The following GRAMD1B variants were observed in gnomAD, a reference collection of about 807,000 sequenced individuals.
GRAMD1B encodes the protein GRAM domain containing 1B.
GRAMD1B carries 37 observed loss-of-function variants against 99.7 expected under a neutral mutation model. The ratio of observed to expected loss-of-function variants is 0.37; its 90% CI spans 0.29 to 0.49. The LOEUF is 0.49. Ranked by LOEUF, GRAMD1B falls within the 20% of genes least tolerant of loss-of-function variation. GRAMD1B has a pLI of 0.98. For synonymous variants in GRAMD1B, 427 were observed against 387.6 expected (o/e 1.10, Z -1.19); for missense variants, 888 against 1,009.2 (o/e 0.88, Z 1.63).
chr11:123,546,031 T>C (rs1483515297), intron 2 of GRAMD1B, among the ~76,000 whole-genome samples: 1 of 152,252 alleles, frequency 6.6e-6, no homozygotes, highest in Non-Finnish European at 1.5e-5. Context: ...CATCGGCAAG[T>C]CTGTCCCAGG....
intron 1 of GRAMD1B, among the ~76,000 whole-genome samples, chr11:123,371,189 G>C (rs1946517089): frequency 6.6e-6 from 1 of 152,004 alleles, no homozygotes; most frequent in African/African-American, 2.4e-5. Flanking sequence ...ACAAAATATG[G>C]AGCTGTTGAA....
chr11:123,613,947 A>T (rs947531759), intron 16 of GRAMD1B, among the ~76,000 whole-genome samples: 5 of 152,168 alleles, frequency 3.3e-5, no homozygotes, highest in Non-Finnish European at 7.4e-5. Context: ...CTCAAGTATG[A>T]AGCTTCCAAG....
chr11:123,577,606 T>C, intron 3 of GRAMD1B, 29 bp downstream of exon 3: 1 of 1,519,634 alleles, frequency 6.6e-7, no homozygotes, highest in South Asian at 1.2e-5. Context: ...AGGCGGTACC[T>C]CCTTGTCAGG....
At chr11:123,397,482 C>T (rs776413005) in intron 1 of GRAMD1B, among the ~76,000 whole-genome samples, 20 of 152,182 alleles carry the variant, frequency 1.3e-4, no homozygotes, top group South Asian at 2.1e-4. Flanking sequence ...CATTGATTTG[C>T]TGTCACTAGA....
chr11:123,411,707 T>A (rs118118055), intron 1 of GRAMD1B, among the ~76,000 whole-genome samples: 1 of 152,230 alleles, frequency 6.6e-6, no homozygotes, highest in South Asian at 2.1e-4. Context: ...CAGGCTGGAG[T>A]GCAGAACATG....
At position 123,603,428 on chromosome 11, in the gene GRAMD1B, T is replaced by C; in HGVS notation, c.1053T>C (p.Pro351=). 1 of 1,595,474 alleles carries C rather than the reference T, an allele frequency of 6.3e-7. No individual in the cohort carries two copies. Among genetic ancestry groups the C allele is most frequent in the African/African-American group, 1.3e-5 (1 of 74,708 alleles). ...RLWQNALLEK[P]LCPKELWHFV... Reference sequence around the variant, plus strand: ...GTCGTTCCTTTTCTCCCCTGAAGCCTCTGTGTCCCAAGGAGCTCTGGCACT... The same window carrying C: ...GTCGTTCCTTTTCTCCCCTGAAGCCCCTGTGTCCCAAGGAGCTCTGGCACT... The change falls in exon 9 of 20, where the codon CCT becomes CCC. Residue 351 remains proline, a splice_region_variant and synonymous_variant. Coordinates refer to ENST00000635736, the MANE Select transcript of GRAMD1B (RefSeq NM_001387025.1).
At chr11:123,599,299 C>T (rs1176314149) in intron 7 of GRAMD1B, 3 of 723,196 alleles carry the variant, frequency 4.1e-6, no homozygotes, top group East Asian at 2.8e-5. Context: ...CCACTGACCT[C>T]CATATACCTA....
chr11:123,473,727 C>T (rs36020612), intron 1 of GRAMD1B, among the ~76,000 whole-genome samples: 22,185 of 152,166 alleles, frequency 0.15, 2,123 homozygotes, highest in Admixed American at 0.23. Context: ...CCTTCTAACT[C>T]GGTAGACAAA....
chr11:123,575,844 A>G (rs746048051), intron 2 of GRAMD1B, among the ~76,000 whole-genome samples: 18 of 152,356 alleles, frequency 1.2e-4, no homozygotes, highest in Non-Finnish European at 2.1e-4. Flanking sequence ...TGAAAGAGGC[A>G]TCTTGGGCCT....
At chr11:123,579,581 G>T (rs1282452053) in intron 3 of GRAMD1B, among the ~76,000 whole-genome samples, 1 of 152,136 alleles carries the variant, frequency 6.6e-6, no homozygotes, top group African/African-American at 2.4e-5. Context: ...GAAATGCCCT[G>T]TGGCAGCCCC....
chr11:123,621,855 G>GTCTTTCTTTCTT (rs138445124), intron 19 of GRAMD1B, among the ~76,000 whole-genome samples: 3 of 139,032 alleles, frequency 2.2e-5, no homozygotes, highest in Non-Finnish European at 3.3e-5. Flanking sequence ...ATGCTAGATT[G>GTCTTTCTTTCTT]TCTTTCTTTC....
intron 19 of GRAMD1B, among the ~76,000 whole-genome samples, chr11:123,620,620 G>A (rs1409007523): frequency 6.6e-6 from 1 of 151,924 alleles, no homozygotes; most frequent in Non-Finnish European, 1.5e-5. Context: ...GAGGAGTTTA[G>A]AAGCCCTACC....
chr11:123,527,485 C>G (rs1417361879), intron 2 of GRAMD1B, among the ~76,000 whole-genome samples: 1 of 152,124 alleles, frequency 6.6e-6, no homozygotes, highest in African/African-American at 2.4e-5. Context: ...TCAGTTATCC[C>G]CCAGCCGGGA....
intron 2 of GRAMD1B, among the ~76,000 whole-genome samples, chr11:123,562,090 C>T (rs1423914764): frequency 6.6e-6 from 1 of 152,170 alleles, no homozygotes; most frequent in Non-Finnish European, 1.5e-5. Flanking sequence ...TGGCTCATGC[C>T]TGTAATCCCA....
At chr11:123,541,397 G>A (rs1334459719) in intron 2 of GRAMD1B, among the ~76,000 whole-genome samples, 5 of 151,954 alleles carry the variant, frequency 3.3e-5, no homozygotes, top group African/African-American at 7.3e-5. Flanking sequence ...TCCTTGCCTC[G>A]GTATTTCCAT....
At chr11:123,360,575 G>A (rs190796988) in intron 1 of GRAMD1B, among the ~76,000 whole-genome samples, 2 of 152,294 alleles carry the variant, frequency 1.3e-5, no homozygotes, top group Non-Finnish European at 2.9e-5. Flanking sequence ...ATTTGGGGCT[G>A]TGCTTTGGTG....
chr11:123,560,561 T>TCCCCCCCCC, intron 2 of GRAMD1B: 33 of 794,272 alleles, frequency 4.2e-5, no homozygotes, highest in East Asian at 6.6e-5. Flanking sequence ...GGGCCCCCGC[T>TCCCCCCCCC]CCCCGCCCCC....
chr11:123,424,743 T>A (rs1227112385), intron 1 of GRAMD1B, among the ~76,000 whole-genome samples: 1 of 152,202 alleles, frequency 6.6e-6, no homozygotes, highest in East Asian at 1.9e-4. Context: ...TAGTTAAAAT[T>A]TATCAATCTT....
At position 123,384,244 on chromosome 11, in the gene GRAMD1B, C is replaced by T. The variant is rs747289770; in HGVS notation, c.-176+25445C>T. Among the ~76,000 whole-genome samples, 5 of 152,184 alleles carry T rather than the reference C, an allele frequency of 3.3e-5. No homozygotes were observed. The South Asian group carries it at 1.0e-3, about 32-fold the overall frequency. On this transcript the variant is annotated intron_variant, in intron 1 of 20. Transcript: ENST00000638157. ...TACCACCTTTTGACTTCTCAACCCCCTGCAGATTTGTTTGTTTTCTACCAT... is the reference window on the plus strand; with the variant it reads ...TACCACCTTTTGACTTCTCAACCCCTTGCAGATTTGTTTGTTTTCTACCAT...
Sources: gnomAD v4.1 joint callset for allele counts (sites outside exome capture counted in the v4.1 genomes callset) on GRCh38, gnomAD v4.1.1 for gene constraint, MANE v1.5 for transcripts, NCBI Gene and HGNC (gene_info 2026-07-23, HGNC 2026-07-21) for gene names.